The following PCDHGB2 variants were observed in gnomAD, a reference collection of about 807,000 sequenced individuals.
PCDHGB2 encodes the protein protocadherin gamma subfamily B, 2.
A neutral mutation model predicts 59.3 loss-of-function variants in PCDHGB2; 55 were observed. The ratio of observed to expected loss-of-function variants is 0.93; its 90% CI spans 0.75 to 1.16. PCDHGB2 has a LOEUF of 1.16. Among genes scored for constraint, PCDHGB2 ranks in the 50% most tolerant of loss-of-function variants. The pLI, the probability that PCDHGB2 is intolerant of heterozygous loss-of-function variation, is 0.00. For missense variants in PCDHGB2, 1,228 were observed against 1,198.5 expected, an observed-to-expected ratio of 1.02 and a Z score of -0.36; for synonymous variants, 516 against 512.0, an observed-to-expected ratio of 1.01 and a Z score of -0.11.
Position 141,491,349 on chromosome 5 carries a change from C to G in PCDHGB2, c.2422-3458C>G. 6.2e-7 allele frequency: 1 copy of G among 1,614,168 alleles called. No individual in the cohort carries two copies. Among genetic ancestry groups the G allele is most frequent in the Non-Finnish European group, 8.5e-7 (1 of 1,180,016 alleles). ...TTGTGGCTCTAGCGACCGTCAGTCT[C>G]TTATCCCTAGTCACCTTCACCTTTC... is the stretch of plus-strand genomic sequence containing the variant. On this transcript the variant is annotated intron_variant, in intron 1 of 3. Transcript: ENST00000522605. The surrounding 1 kb of genome is among the most constrained non-coding windows in gnomAD (Gnocchi z 6.9).
At chr5:141,463,741 C>T (rs1011021860) in intron 1 of PCDHGB2, among the ~76,000 whole-genome samples, 3 of 152,034 alleles carry the variant, frequency 2.0e-5, no homozygotes, top group Admixed American at 1.3e-4. Context: ...CCACCGCGCC[C>T]GGCCTGCTTC....
chr5:141,485,744 G>T lies in PCDHGB2; in HGVS notation c.2422-9063G>T. 1 of 1,614,226 alleles carries T rather than the reference G, an allele frequency of 6.2e-7. No individual in the cohort carries two copies. Among genetic ancestry groups the T allele is most frequent in the Non-Finnish European group, 8.5e-7 (1 of 1,180,038 alleles). On this transcript the variant is annotated intron_variant, in intron 1 of 3. Transcript: ENST00000522605. The surrounding 1 kb of genome is among the most constrained non-coding windows in gnomAD (Gnocchi z 5.7). ...GAAGAAGCGCAGCGACGGCAGCCTG[G>T]TCCCAGAGCTGCTCCTGGAGAAGCC...
At chr5:141,448,862 G>A (rs1406203589) in intron 1 of PCDHGB2, among the ~76,000 whole-genome samples, 2 of 151,996 alleles carry the variant, frequency 1.3e-5, no homozygotes, top group African/African-American at 2.4e-5. Context: ...GGAGAATGGC[G>A]TGAACCTGGG....
At chr5:141,415,804 A>C in intron 1 of PCDHGB2, 1 of 1,366,960 alleles carries the variant, frequency 7.3e-7, no homozygotes, top group Non-Finnish European at 9.4e-7. Flanking sequence ...AGTCTCAATC[A>C]AGGCCTATAT....
intron 1 of PCDHGB2, chr5:141,400,265 G>T (rs2093992954): frequency 6.2e-7 from 1 of 1,613,876 alleles, no homozygotes. Context: ...CGCCTGCGAC[G>T]CTCCTCCAGC....
intron 1 of PCDHGB2, among the ~76,000 whole-genome samples, chr5:141,463,505 G>A (rs1213601894): frequency 7.3e-6 from 1 of 137,472 alleles, no homozygotes; most frequent in Non-Finnish European, 1.5e-5. Flanking sequence ...CTGGAGTGAC[G>A]TGGCGTGATC....
At chr5:141,422,806 C>A in intron 1 of PCDHGB2, 1 of 1,614,208 alleles carries the variant, frequency 6.2e-7, no homozygotes, top group Non-Finnish European at 8.5e-7. Flanking sequence ...TGAGCAGTTT[C>A]GAGACTTAGA....
rs756549446 is a variant in PCDHGB2 at position 141,477,301 on chromosome 5, C to G, written c.2422-17506C>G. 32 of 1,614,042 alleles carry G rather than the reference C, an allele frequency of 2.0e-5. 2 individuals carry two copies. In the South Asian group the frequency reaches 3.4e-4, roughly 17 times the overall value. On this transcript the variant is annotated intron_variant, in intron 1 of 3. Coordinates refer to ENST00000522605, the MANE Select transcript of PCDHGB2 (RefSeq NM_018923.3). The surrounding 1 kb of genome is among the most constrained non-coding windows in gnomAD (Gnocchi z 4.9). The stretch of plus-strand genomic sequence containing the variant: ...TGACCTGCGAAGTTCCACCGGGTCT[C>G]CCTTTCAGCCTTACTTCTTCCCTCA...
rs748803155 is a variant in PCDHGB2, at chr5:141,490,087, G to A, written c.2422-4720G>A. On this transcript the variant is annotated intron_variant, in intron 1 of 3. Coordinates refer to ENST00000522605, the MANE Select transcript of PCDHGB2 (RefSeq NM_018923.3). The surrounding 1 kb of genome is among the most constrained non-coding windows in gnomAD (Gnocchi z 5.4). ...CGGCCAACTAGACTATTCTTTTGGA[G>A]ACCACACATCTGAGGCAGTGCGGAA... 2.5e-6 allele frequency: 4 copies of A among 1,614,244 alleles called. No homozygotes were observed. The highest frequency in any genetic ancestry group is 1.3e-5 in the African/African-American group (1 of 75,068).
chr5:141,403,073 A>G (rs920382925), intron 1 of PCDHGB2: 4 of 1,614,056 alleles, frequency 2.5e-6, no homozygotes, highest in Non-Finnish European at 3.4e-6. Context: ...AGAGACAGAA[A>G]AGGGCTATAT....
intron 1 of PCDHGB2, among the ~76,000 whole-genome samples, chr5:141,455,423 CA>C (rs2098822271): frequency 6.6e-6 from 1 of 152,040 alleles, no homozygotes; most frequent in Non-Finnish European, 1.5e-5. Flanking sequence ...AGCGGGGCTC[CA>C]AAAGAGGAGG....
intron 1 of PCDHGB2, among the ~76,000 whole-genome samples, chr5:141,373,223 T>C (rs1769412774): frequency 6.6e-6 from 1 of 152,256 alleles, no homozygotes; most frequent in Admixed American, 6.5e-5. Context: ...ATGTAACCTG[T>C]ATATAATATT....
chr5:141,498,976 G>A (rs1311505059), intron 2 of PCDHGB2, among the ~76,000 whole-genome samples: 1 of 13,010 alleles, frequency 7.7e-5, no homozygotes, highest in Non-Finnish European at 2.3e-4. Context: ...AGGGAGGGAA[G>A]GAAGGAAGGA....
rs747633858 is a variant in PCDHGB2, at chr5:141,491,133, C to T, written c.2422-3674C>T. 6.2e-6 allele frequency: 10 copies of T among 1,614,158 alleles called. No homozygotes were observed. In the South Asian group the frequency reaches 9.9e-5, roughly 16 times the overall value. The stretch of plus-strand genomic sequence containing the variant: ...CACACACTGGTGAGGTGCGCACAGC[C>T]CGGGCCTTACTGGAGGATGACTCTG... On this transcript the variant is annotated intron_variant, in intron 1 of 3. Transcript: ENST00000522605. The surrounding 1 kb of genome is among the most constrained non-coding windows in gnomAD (Gnocchi z 6.9).
intron 1 of PCDHGB2, chr5:141,404,243 C>A: frequency 6.2e-7 from 1 of 1,613,810 alleles, no homozygotes; most frequent in Non-Finnish European, 8.5e-7. Flanking sequence ...AGGAACTCCG[C>A]CCCTGTCCAC....
rs767397479 is a variant in PCDHGB2 at position 141,430,717 on chromosome 5, T to C, written c.2422-64090T>C. On this transcript the variant is annotated intron_variant, in intron 1 of 3. Transcript: ENST00000522605. ...GCGAAGGAACTGCTCCTGACTTCAG[T>C]GGTTAAGGGCAGAATTGAAAATAAT... is the stretch of plus-strand genomic sequence containing the variant. The C allele has an allele frequency of 8.1e-6, 12 of 1,475,446 alleles. No individual in the cohort carries two copies. The East Asian group carries it at 2.4e-4, about 29-fold the overall frequency. 91.4% of individuals were successfully genotyped at this position (1,475,446 alleles called of 1,614,324 possible). A position where few individuals can be genotyped will look rare whatever the true frequency, so the allele number is the denominator to read the frequency against.
rs1424346887 is a variant in PCDHGB2, at chr5:141,489,602, T to C, written c.2422-5205T>C. ...CCCCTGGAGCTAATCCGTGTAGAGG[T>C]AGAGATCCTGGATCTCAATGACAAC... On this transcript the variant is annotated intron_variant, in intron 1 of 3. Coordinates refer to ENST00000522605, the MANE Select transcript of PCDHGB2 (RefSeq NM_018923.3). The surrounding 1 kb of genome is among the most constrained non-coding windows in gnomAD (Gnocchi z 4.5). The C allele has an allele frequency of 5.6e-6, 9 of 1,613,754 alleles. No homozygotes were observed. In the African/African-American group the frequency reaches 6.7e-5, roughly 12 times the overall value.
Position 141,487,373 on chromosome 5 carries a change from C to T in PCDHGB2, c.2422-7434C>T. 2 of 1,614,224 alleles carry T rather than the reference C, an allele frequency of 1.2e-6. No homozygotes were observed. Among genetic ancestry groups the T allele is most frequent in the Non-Finnish European group, 1.7e-6 (2 of 1,180,042 alleles). On this transcript the variant is annotated intron_variant, in intron 1 of 3. Transcript: ENST00000522605. This position sits in a 1 kb window ranked among gnomAD's most constrained non-coding sequence, Gnocchi z 5.0. ...CTTTCCTGCTGGCACCTGTGCCTGTCTCACCAGATCTCGAAGGAGGGAGGG... is the reference window on the plus strand; with the variant it reads ...CTTTCCTGCTGGCACCTGTGCCTGTTTCACCAGATCTCGAAGGAGGGAGGG...
chr5:141,443,244 G>A (rs1277982376), intron 1 of PCDHGB2, among the ~76,000 whole-genome samples: 4 of 151,542 alleles, frequency 2.6e-5, no homozygotes, highest in African/African-American at 9.7e-5. Flanking sequence ...ACTTTGGGGC[G>A]CCAAGGCGGG....
Sources: gnomAD v4.1 joint callset for allele counts (sites outside exome capture counted in the v4.1 genomes callset) on GRCh38, gnomAD v4.1.1 for gene constraint, Gnocchi (gnomAD v3.1) non-coding constraint, MANE v1.5 for transcripts, NCBI Gene and HGNC (gene_info 2026-07-23, HGNC 2026-07-21) for gene names.